FER1L5: variants seen among roughly 807,000 people sequenced by gnomAD.
The protein encoded by FER1L5 is fer-1-like protein 5.
FER1L5 carries 187 observed loss-of-function variants against 279.9 expected under a neutral mutation model. The observed-to-expected ratio is 0.67, with a 90% CI of 0.59 to 0.75. FER1L5 has a LOEUF of 0.75. FER1L5 is among the 30% of genes least tolerant of loss of function. The probability of loss-of-function intolerance (pLI) is 0.00; values close to 1 mark genes in which losing one functional copy is unlikely to be tolerated. For missense variants in FER1L5, 2,091 were observed against 2,594.4 expected (o/e 0.81, Z 4.21); for synonymous variants, 921 against 989.7 (o/e 0.93, Z 1.30).
chr2:96,678,927 A>G (rs1049437027), intron 19 of FER1L5, among the ~76,000 whole-genome samples: 1 of 152,136 alleles, frequency 6.6e-6, no homozygotes, highest in African/African-American at 2.4e-5. Flanking sequence ...TCATTTTCTT[A>G]GTAGTGTCTT....
rs2077468218 is a variant in FER1L5 at position 96,698,550 on chromosome 2, AT to A, written c.4357-120del. On this transcript the variant is annotated intron_variant, in intron 40 of 52. Transcript: ENST00000624922. This position sits in a 1 kb window ranked among gnomAD's most constrained non-coding sequence, Gnocchi z 5.5. ...GCCTCCACTGTCCTCATGGCCTTCT[AT>A]CCCTGCCACCCTCAGCCCAACCCTC... 1.2e-6 allele frequency: 1 copy of A among 833,692 alleles called. No individual in the cohort carries two copies. The highest frequency in any genetic ancestry group is 1.7e-5 in the African/African-American group (1 of 58,514). 51.6% of individuals were successfully genotyped at this position (833,692 alleles called of 1,614,324 possible).
intron 9 of FER1L5, among the ~76,000 whole-genome samples, chr2:96,659,348 T>C (rs2075769127): frequency 1.2e-5 from 1 of 81,506 alleles, no homozygotes; most frequent in African/African-American, 5.0e-5. Flanking sequence ...CTTCCTTCCT[T>C]CCTTCCTTCC....
chr2:96,687,997 G>T (rs1353115616), intron 24 of FER1L5, 50 bp downstream of exon 24: 1 of 1,544,700 alleles, frequency 6.5e-7, no homozygotes, highest in East Asian at 2.5e-5. Context: ...CGGGGGTGGG[G>T]GTAGGGTGGC....
chr2:96,703,809 CTTTTTTT>C (rs35497973), intron 51 of FER1L5, among the ~76,000 whole-genome samples, 177 bp downstream of exon 51: 8 of 89,472 alleles, frequency 8.9e-5, no homozygotes, highest in South Asian at 3.3e-4. Flanking sequence ...CAAAAGTTGC[CTTTTTTT>C]TTTTTTTTTT....
At position 96,642,829 on chromosome 2, in the gene FER1L5, T is replaced by C. The variant is rs138162001; in HGVS notation, c.-8T>C. 6.5e-7 allele frequency: 1 copy of C among 1,550,130 alleles called. No individual in the cohort carries two copies. Among genetic ancestry groups the C allele is most frequent in the African/African-American group, 1.4e-5 (1 of 73,034 alleles). ...GTAGGGAAGGAGGGAAGAAAGTAGG[T>C]CTCCGAGATGCTGCGGCTTGTGGTG... is the stretch of plus-strand genomic sequence containing the variant. On this transcript the variant is annotated 5_prime_UTR_variant, in exon 1 of 53. Coordinates refer to ENST00000624922, the MANE Select transcript of FER1L5 (RefSeq NM_001293083.2).
intron 9 of FER1L5, among the ~76,000 whole-genome samples, chr2:96,657,040 T>C (rs1176979227): frequency 1.3e-5 from 2 of 149,790 alleles, no homozygotes; most frequent in African/African-American, 4.9e-5. Context: ...ATTTCTATTC[T>C]GTTTTTTTAT....
chr2:96,674,565 T>C (rs1233024115), intron 19 of FER1L5, among the ~76,000 whole-genome samples: 1 of 152,188 alleles, frequency 6.6e-6, no homozygotes, highest in East Asian at 1.9e-4. Flanking sequence ...TCCAGACATA[T>C]CATATATGGA....
In FER1L5 at chr2:96,702,292, C is replaced by T. The variant is rs1372299448; in HGVS notation, c.5160-14C>T. The T allele has an allele frequency of 1.2e-6, 2 of 1,607,358 alleles. No homozygotes were observed. The highest frequency in any genetic ancestry group is 2.7e-5 in the African/African-American group (2 of 74,814). On this transcript the variant is annotated splice_polypyrimidine_tract_variant and intron_variant, in intron 46 of 52. Coordinates refer to ENST00000624922, the MANE Select transcript of FER1L5 (RefSeq NM_001293083.2). This position sits in a 1 kb window ranked among gnomAD's most constrained non-coding sequence, Gnocchi z 4.0. Reference sequence around the variant, plus strand: ...GCTCCTCCTCAGCAAAGCCTCAGAGCACAGTGGCCACAGGTATGAGCTGCG... The same window carrying T: ...GCTCCTCCTCAGCAAAGCCTCAGAGTACAGTGGCCACAGGTATGAGCTGCG...
chr2:96,647,670 C>A (rs1319385325), intron 3 of FER1L5, 108 bp from the exon 4 acceptor site: 4 of 767,126 alleles, frequency 5.2e-6, no homozygotes, highest in Non-Finnish European at 8.7e-6. Context: ...TCTCTGAGGA[C>A]AGCACAGCCC....
At position 96,704,344 on chromosome 2, in the gene FER1L5, C is replaced by T. The variant is rs760046652; in HGVS notation, c.5931C>T (p.Asn1977=). The stretch of plus-strand genomic sequence containing the variant: ...CGATTATAGCACTTATGCTGTTTAA[C>T]TTCATCTATTCAGCTCCGGTGAGTG... ...VISIIALMLF[N]FIYSAPHYLA... Residue 1977 remains asparagine (N), a synonymous_variant, in exon 52 of 53, where the codon AAC becomes AAT. Transcript: ENST00000624922. 5.6e-6 allele frequency: 9 copies of T among 1,613,928 alleles called. No homozygotes were observed. The highest frequency in any genetic ancestry group is 7.6e-6 in the Non-Finnish European group (9 of 1,179,870).
In FER1L5 at chr2:96,702,080, C is replaced by G. The variant is rs2077605217; in HGVS notation, c.5159+37C>G. On this transcript the variant is annotated intron_variant, in intron 46 of 52. Coordinates refer to ENST00000624922, the MANE Select transcript of FER1L5 (RefSeq NM_001293083.2). The surrounding 1 kb of genome is among the most constrained non-coding windows in gnomAD (Gnocchi z 4.0). ...CCCACTTCCCAACTGCTGCATTTCA[C>G]AGTTCAGAACTCCCCCAGTGCAGGG... is the stretch of plus-strand genomic sequence containing the variant. The G allele has an allele frequency of 5.0e-6, 8 of 1,607,172 alleles. No individual in the cohort carries two copies. In the South Asian group the frequency reaches 8.8e-5, roughly 18 times the overall value.
At chr2:96,643,870 A>T (rs1415273275) in intron 1 of FER1L5, among the ~76,000 whole-genome samples, 1 of 151,970 alleles carries the variant, frequency 6.6e-6, no homozygotes, top group Non-Finnish European at 1.5e-5. Flanking sequence ...GGAAAGAAGT[A>T]AAAGAAAAAA....
chr2:96,689,778 C>T lies in FER1L5; in HGVS notation c.2640+20C>T, dbSNP rs1034318132. 1.8e-5 allele frequency: 28 copies of T among 1,531,190 alleles called. No homozygotes were observed. The highest frequency in any genetic ancestry group is 2.5e-5 in the Non-Finnish European group (28 of 1,137,366). 94.9% of individuals were successfully genotyped at this position (1,531,190 alleles called of 1,614,324 possible). A position where few individuals can be genotyped will look rare whatever the true frequency, so the allele number is the denominator to read the frequency against. ...GACGTGGTGAGCAGGGCCGAAGCTG[C>T]CTCGGGTTAGGGGGCAAGCAAGGCC... is the stretch of plus-strand genomic sequence containing the variant. On this transcript the variant is annotated intron_variant, in intron 26 of 52. Coordinates refer to ENST00000624922, the MANE Select transcript of FER1L5 (RefSeq NM_001293083.2). This position sits in a 1 kb window ranked among gnomAD's most constrained non-coding sequence, Gnocchi z 4.6.
chr2:96,665,329 C>A (rs1190382548), intron 14 of FER1L5, among the ~76,000 whole-genome samples: 2 of 152,194 alleles, frequency 1.3e-5, no homozygotes, highest in African/African-American at 4.8e-5. Context: ...GAACTCCCCT[C>A]CTTGCTGCTT....
In FER1L5 at chr2:96,689,880, C is replaced by T; in HGVS notation, c.2640+122C>T. The T allele has an allele frequency of 2.5e-6, 2 of 803,140 alleles. No individual in the cohort carries two copies. Among genetic ancestry groups the T allele is most frequent in the East Asian group, 2.7e-5 (1 of 36,770 alleles). The allele number at this position is 803,140 out of a possible 1,614,324, so 49.8% of individuals were successfully genotyped here. A position where few individuals can be genotyped will look rare whatever the true frequency, so the allele number is the denominator to read the frequency against. Reference sequence around the variant, plus strand: ...CCTATGCCCTGCACTATGTGTGGGGCCCCGGGTGAGCGCACCAGCCCTCAG... The same window carrying T: ...CCTATGCCCTGCACTATGTGTGGGGTCCCGGGTGAGCGCACCAGCCCTCAG... On this transcript the variant is annotated intron_variant, in intron 26 of 52. Transcript: ENST00000624922. The surrounding 1 kb of genome is among the most constrained non-coding windows in gnomAD (Gnocchi z 4.6).
chr2:96,649,496 C>G, intron 4 of FER1L5, 127 bp from the exon 5 acceptor site: 1 of 832,636 alleles, frequency 1.2e-6, no homozygotes, highest in South Asian at 1.6e-5. Context: ...TGGCCCCATC[C>G]CATGACTAGC....
At chr2:96,657,239 G>A (rs1013074714) in intron 9 of FER1L5, among the ~76,000 whole-genome samples, 7 of 151,212 alleles carry the variant, frequency 4.6e-5, no homozygotes, top group African/African-American at 7.3e-5. Flanking sequence ...CATGCCCAGC[G>A]AATTTTTGTA....
rs1300972662 is a variant in FER1L5 at position 96,698,081 on chromosome 2, G to A, written c.4281G>A (p.Leu1427=). The part of the protein sequence containing the change: ...ELEAVPAFQG[L]QDFCQTFKLY... Reference sequence around the variant, plus strand: ...AGGCCGTGCCAGCCTTCCAGGGCCTGCAGGACTTCTGCCAGACCTTCAAAC... The same window carrying A: ...AGGCCGTGCCAGCCTTCCAGGGCCTACAGGACTTCTGCCAGACCTTCAAAC... The change falls in exon 40 of 53, where the codon CTG becomes CTA. Residue 1427 remains leucine, a synonymous_variant. Coordinates refer to ENST00000624922, the MANE Select transcript of FER1L5 (RefSeq NM_001293083.2). The surrounding 1 kb of genome is among the most constrained non-coding windows in gnomAD (Gnocchi z 5.5). 3 of 1,589,404 alleles carry A rather than the reference G, an allele frequency of 1.9e-6. No individual in the cohort carries two copies. The highest frequency in any genetic ancestry group is 2.6e-6 in the Non-Finnish European group (3 of 1,168,128).
intron 6 of FER1L5, among the ~76,000 whole-genome samples, chr2:96,651,277 TTCTTTCTTTCTTTC>T (rs1156949829): frequency 6.6e-6 from 1 of 150,718 alleles, no homozygotes; most frequent in African/African-American, 2.4e-5. Flanking sequence ...CTTTCTTTCT[TTCTTTCTTTCTTTC>T]TTTCTTTCTT....
Sources: gnomAD v4.1 joint callset for allele counts (sites outside exome capture counted in the v4.1 genomes callset) on GRCh38, gnomAD v4.1.1 for gene constraint, Gnocchi (gnomAD v3.1) non-coding constraint, MANE v1.5 for transcripts, NCBI Gene and HGNC (gene_info 2026-07-23, HGNC 2026-07-21) for gene names.